Variants in ANK3 observed in about 807,000 individuals in gnomAD.
ANK3 encodes the protein ankyrin 3.
Under a neutral mutation model 370.9 loss-of-function variants are expected in ANK3, and 57 were observed. The observed-to-expected ratio is 0.15, with a 90% CI of 0.12 to 0.19. The LOEUF (loss-of-function observed/expected upper bound fraction) is 0.19. Ranked by LOEUF, ANK3 falls within the 10% of genes least tolerant of loss-of-function variation. ANK3 has a pLI of 1.00. For missense variants in ANK3, 4,439 were observed against 5,302.1 expected (o/e 0.84, Z 5.06); for synonymous variants, 1,929 against 1,946.3 (o/e 0.99, Z 0.23).
At chr10:60,320,608 C>A (rs2048415465) in intron 1 of ANK3, among the ~76,000 whole-genome samples, 1 of 152,008 alleles carries the variant, frequency 6.6e-6, no homozygotes, top group South Asian at 2.1e-4. Flanking sequence ...CAAAAACAAA[C>A]AAACAAAGCA....
intron 4 of ANK3, among the ~76,000 whole-genome samples, chr10:60,272,722 T>A (rs1223485691): frequency 6.6e-6 from 1 of 151,848 alleles, no homozygotes; most frequent in East Asian, 1.9e-4. Context: ...TCATGTTCCA[T>A]CTGCCTCAGC....
intron 18 of ANK3, among the ~76,000 whole-genome samples, chr10:60,176,845 G>T (rs1186534137): frequency 6.6e-6 from 1 of 151,922 alleles, no homozygotes; most frequent in Non-Finnish European, 1.5e-5. Context: ...CTTTCCTCTG[G>T]CATGCTCATC....
In ANK3 at chr10:60,560,417, T is replaced by C. The variant is rs150001404; in HGVS notation, c.96+54769A>G. 2.0e-5 allele frequency among the ~76,000 whole-genome samples: 3 copies of C among 152,312 alleles called. 1 individual carries two copies. Among genetic ancestry groups the C allele is most frequent in the African/African-American group, 7.2e-5 (3 of 41,578 alleles). ...CCTATTTCAAGCTCGTTCACATAAT[T>C]GAATTCATCAAAAGCCATATGTGGC... On this transcript the variant is annotated intron_variant, in intron 2 of 43. Transcript: ENST00000373827.
intron 2 of ANK3, among the ~76,000 whole-genome samples, chr10:60,452,007 C>T (rs957215451): frequency 6.6e-6 from 1 of 152,188 alleles, no homozygotes; most frequent in Non-Finnish European, 1.5e-5. Context: ...CGCTCTGTCT[C>T]GCTCTATAAA....
chr10:60,305,490 C>T (rs2044824847), intron 1 of ANK3, among the ~76,000 whole-genome samples: 1 of 151,218 alleles, frequency 6.6e-6, no homozygotes, highest in Non-Finnish European at 1.5e-5. Context: ...TTTAATTTAG[C>T]CCTCTGCTCT....
At chr10:60,497,844 C>T (rs541755264) in intron 2 of ANK3, among the ~76,000 whole-genome samples, 5 of 152,080 alleles carry the variant, frequency 3.3e-5, no homozygotes, top group Non-Finnish European at 7.4e-5. Context: ...TACAAAGCAC[C>T]GCACACTCAC....
intron 1 of ANK3, among the ~76,000 whole-genome samples, chr10:60,627,107 C>T (rs181402433): frequency 4.1e-4 from 62 of 152,186 alleles, no homozygotes; most frequent in African/African-American, 1.4e-3. Context: ...GTAAAAGGTT[C>T]ATTCAATCCA....
Position 60,447,203 on chromosome 10 carries a change from A to T in ANK3, c.97-167564T>A, listed in dbSNP as rs541758563. Among the ~76,000 whole-genome samples the T allele has an allele frequency of 5.3e-5, 8 of 152,272 alleles. No individual in the cohort carries two copies. In the East Asian group the frequency reaches 1.6e-3, roughly 30 times the overall value. On this transcript the variant is annotated intron_variant, in intron 2 of 43. Transcript: ENST00000373827. ...GACTAGAGGGCTTCCCTCAGAGAGG[A>T]AGAAGAAGAAACCCCATAAGAAAAA...
At chr10:60,614,958 C>T (rs1246148104) in intron 2 of ANK3, among the ~76,000 whole-genome samples, 1 of 152,096 alleles carries the variant, frequency 6.6e-6, no homozygotes, top group African/African-American at 2.4e-5. Flanking sequence ...AGGAATTATC[C>T]TACCATGAGC....
chr10:60,210,692 G>C (rs1178913389), intron 9 of ANK3, among the ~76,000 whole-genome samples: 1 of 152,174 alleles, frequency 6.6e-6, no homozygotes, highest in Non-Finnish European at 1.5e-5. Flanking sequence ...ACACATGTGT[G>C]TTTCCTTTTC....
chr10:60,357,296 T>G (rs1048641080), intron 1 of ANK3, among the ~76,000 whole-genome samples: 1 of 152,198 alleles, frequency 6.6e-6, no homozygotes, highest in East Asian at 1.9e-4. Context: ...AAGTAACTAT[T>G]GTGGGTATTT....
chr10:60,345,869 C>T (rs2061485), intron 1 of ANK3, among the ~76,000 whole-genome samples: 75,953 of 151,858 alleles, frequency 0.5, 19,561 homozygotes, highest in East Asian at 0.69. Flanking sequence ...CCCTTATTAA[C>T]TAGCAATTGA....
chr10:60,351,553 C>T (rs1027859738), intron 1 of ANK3, among the ~76,000 whole-genome samples: 1 of 152,168 alleles, frequency 6.6e-6, no homozygotes, highest in Non-Finnish European at 1.5e-5. Context: ...AAATAAAAGA[C>T]TACTCATTTG....
At chr10:60,160,263 A>G (rs2095463523) in intron 23 of ANK3, among the ~76,000 whole-genome samples, 1 of 152,154 alleles carries the variant, frequency 6.6e-6, no homozygotes, top group South Asian at 2.1e-4. Context: ...ATTAGAGACT[A>G]TTATGAGCAA....
intron 1 of ANK3, among the ~76,000 whole-genome samples, chr10:60,636,125 G>A (rs2078551591): frequency 6.6e-6 from 1 of 150,514 alleles, no homozygotes; most frequent in African/African-American, 2.4e-5. Flanking sequence ...AGAATCTTTG[G>A]CAAGCTGGAA....
At chr10:60,419,141 C>T (rs1390644226) in intron 2 of ANK3, among the ~76,000 whole-genome samples, 1 of 152,048 alleles carries the variant, frequency 6.6e-6, no homozygotes, top group Non-Finnish European at 1.5e-5. Context: ...GTTTTGGAAA[C>T]ATTTACAAAT....
chr10:60,125,911 T>C (rs2093732882), intron 25 of ANK3, among the ~76,000 whole-genome samples: 1 of 152,190 alleles, frequency 6.6e-6, no homozygotes, highest in Admixed American at 6.5e-5. Flanking sequence ...TATGACTAAA[T>C]GTATATGAAA....
At chr10:60,360,165 A>C (rs1016327801) in intron 1 of ANK3, among the ~76,000 whole-genome samples, 8 of 152,172 alleles carry the variant, frequency 5.3e-5, no homozygotes, top group African/African-American at 1.9e-4. Flanking sequence ...ATGCGTGCCT[A>C]TATGTGTGCC....
At chr10:60,207,665 T>C (rs904978174) in intron 10 of ANK3, among the ~76,000 whole-genome samples, 2 of 152,228 alleles carry the variant, frequency 1.3e-5, no homozygotes, top group Admixed American at 6.5e-5. Flanking sequence ...ATGTTTCAAA[T>C]AGAGTTTTTT....
Sources: gnomAD v4.1 joint callset for allele counts (sites outside exome capture counted in the v4.1 genomes callset) on GRCh38, gnomAD v4.1.1 for gene constraint, MANE v1.5 for transcripts, NCBI Gene and HGNC (gene_info 2026-07-23, HGNC 2026-07-21) for gene names.